MIDEAS: variants seen among roughly 807,000 people sequenced by gnomAD.
MIDEAS encodes mitotic deacetylase associated SANT domain protein, also known as mitotic deacetylase-associated SANT domain protein.
In MIDEAS, 26 loss-of-function variants were observed where a neutral mutation model predicts 102.7. The observed-to-expected ratio is 0.25, with a 90% CI of 0.19 to 0.35. MIDEAS has a LOEUF of 0.35. Ranked by LOEUF, MIDEAS falls within the 10% of genes least tolerant of loss-of-function variation. MIDEAS has a pLI of 1.00. For synonymous variants in MIDEAS, 585 were observed against 591.0 expected (o/e 0.99, Z 0.15); for missense variants, 1,231 against 1,435.6 (o/e 0.86, Z 2.30).
intron 1 of MIDEAS, among the ~76,000 whole-genome samples, chr14:73,748,269 C>T (rs1184562713): frequency 6.6e-6 from 1 of 152,060 alleles, no homozygotes; most frequent in Non-Finnish European, 1.5e-5. Flanking sequence ...GCAGAATGGA[C>T]TTTTAAAAAA....
chr14:73,743,550 C>T (rs996412138), intron 1 of MIDEAS, among the ~76,000 whole-genome samples: 10 of 152,136 alleles, frequency 6.6e-5, no homozygotes, highest in African/African-American at 2.2e-4. Flanking sequence ...GCCTGCAACT[C>T]GGGGTCAGGA....
chr14:73,759,470 C>G lies in MIDEAS; in HGVS notation c.-248+293G>C, dbSNP rs1189201662. 1.3e-5 allele frequency among the ~76,000 whole-genome samples: 2 copies of G among 151,374 alleles called. No individual in the cohort carries two copies. The highest frequency in any genetic ancestry group is 4.8e-5 in the African/African-American group (2 of 41,300). On this transcript the variant is annotated intron_variant, in intron 1 of 12. Transcript: ENST00000423556. This position sits in a 1 kb window ranked among gnomAD's most constrained non-coding sequence, Gnocchi z 6.7. ...CGGGGGCCGCGCGCAAGCTGCGTAG[C>G]TGCACAAACACCGCGGGGCTGCGCT...
chr14:73,719,452 G>T lies in MIDEAS; in HGVS notation c.2987C>A (p.Ser996Tyr). 6.2e-7 allele frequency: 1 copy of T among 1,614,078 alleles called. No homozygotes were observed. The change falls in exon 12 of 13, where the codon TCT becomes TAT. Residue 996 changes from serine to tyrosine, a missense_variant. Transcript: ENST00000423556. The part of the protein sequence containing the change: ...LRSHESNAPG[S>Y]AGGQASEKPR... ...CTTCTCCGAGGCCTGGCCACCGGCAGACCCAGGGGCGTTGGACTCGTGGCT... is the reference window on the plus strand; with the variant it reads ...CTTCTCCGAGGCCTGGCCACCGGCATACCCAGGGGCGTTGGACTCGTGGCT...
chr14:73,731,844 A>G (rs2053143797), intron 3 of MIDEAS, among the ~76,000 whole-genome samples: 1 of 152,186 alleles, frequency 6.6e-6, no homozygotes, highest in African/African-American at 2.4e-5. Flanking sequence ...CATTCATTAT[A>G]CTCCTCTCTA....
intron 1 of MIDEAS, chr14:73,758,793 G>T (rs1026077058): frequency 1.0e-4 from 16 of 154,604 alleles, no homozygotes; most frequent in African/African-American, 3.9e-4. Flanking sequence ...TCTGTGGCAG[G>T]TACCTCCTCC....
chr14:73,786,831 C>A (rs1001068069), intron 1 of MIDEAS, among the ~76,000 whole-genome samples: 1 of 152,258 alleles, frequency 6.6e-6, no homozygotes, highest in Non-Finnish European at 1.5e-5. Flanking sequence ...CCCTTCCCCC[C>A]ACCCTACCTC....
upstream of MIDEAS, among the ~76,000 whole-genome samples, chr14:73,761,395 G>A (rs2053553260): frequency 6.6e-6 from 1 of 152,208 alleles, no homozygotes; most frequent in African/African-American, 2.4e-5. Context: ...TTGCTTCTAA[G>A]GGGGCATGGC....
chr14:73,743,564 C>A (rs1180092325), intron 1 of MIDEAS, among the ~76,000 whole-genome samples: 1 of 152,100 alleles, frequency 6.6e-6, no homozygotes, highest in African/African-American at 2.4e-5. Context: ...GTCAGGACTG[C>A]GCCACTTCCT....
chr14:73,739,250 T>TTGC lies in MIDEAS; in HGVS notation c.756_758dup (p.Gln253dup), dbSNP rs745406125. The TTGC allele has an allele frequency of 3.9e-5, 62 of 1,604,512 alleles. No homozygotes were observed. In the Middle Eastern group the frequency reaches 6.6e-4, roughly 17 times the overall value. On this transcript the variant is annotated inframe_insertion, in exon 2 of 13. Coordinates refer to ENST00000423556, the MANE Select transcript of MIDEAS (RefSeq NM_001367710.1). ...GCTGCTGCTGCTGCTGCTGCTGTGGTTGCTGCTGCTGCTGCTGCTTCTGTG... is the reference window on the plus strand; with the variant it reads ...GCTGCTGCTGCTGCTGCTGCTGTGGTTGCTGCTGCTGCTGCTGCTGCTTCTGTG...
chr14:73,739,487 C>G lies in MIDEAS; in HGVS notation c.522G>C (p.Gln174His), dbSNP rs146384609. ...ALKREKAGGPQLDRYVRPMMP... is the reference protein window; with the variant it reads ...ALKREKAGGPHLDRYVRPMMP... ...TCATTGGTCGCACATAGCGGTCCAGCTGTGGGCCCCCCGCTTTCTCCCGCT... is the reference window on the plus strand; with the variant it reads ...TCATTGGTCGCACATAGCGGTCCAGGTGTGGGCCCCCCGCTTTCTCCCGCT... Residue 174 changes from glutamine (Q) to histidine (H), a missense_variant, in exon 2 of 13, where the codon CAG (glutamine) becomes CAC (histidine). Transcript: ENST00000423556. 2.9e-5 allele frequency: 46 copies of G among 1,611,502 alleles called. No individual in the cohort carries two copies. In the African/African-American group the frequency reaches 5.3e-4, roughly 19 times the overall value.
intron 1 of MIDEAS, among the ~76,000 whole-genome samples, chr14:73,776,967 A>C (rs906370097): frequency 6.6e-6 from 1 of 151,928 alleles, no homozygotes; most frequent in Non-Finnish European, 1.5e-5. Context: ...GCTACTCGGG[A>C]CGCTGAGGCA....
chr14:73,761,303 TGGGCCTACA>T (rs1185716284), upstream of MIDEAS, among the ~76,000 whole-genome samples: 2 of 152,318 alleles, frequency 1.3e-5, no homozygotes, highest in East Asian at 3.9e-4. Flanking sequence ...ACACACTCAC[TGGGCCTACA>T]GGGCCAGGGT....
At chr14:73,770,293 G>T (rs767614570) in intron 1 of MIDEAS, among the ~76,000 whole-genome samples, 1 of 152,180 alleles carries the variant, frequency 6.6e-6, no homozygotes, top group Non-Finnish European at 1.5e-5. Context: ...CTAAATAGGT[G>T]TCATGTTTAT....
At chr14:73,729,406 G>A (rs1251007488) in intron 4 of MIDEAS, among the ~76,000 whole-genome samples, 1 of 152,214 alleles carries the variant, frequency 6.6e-6, no homozygotes, top group Admixed American at 6.5e-5. Flanking sequence ...ACTTGCAAAA[G>A]TGGATGTAAT....
Position 73,737,065 on chromosome 14 carries a change from T to C in MIDEAS, c.1682A>G (p.His561Arg), listed in dbSNP as rs1259422082. The C allele has an allele frequency of 6.2e-7, 1 of 1,614,010 alleles. No homozygotes were observed. The highest frequency in any genetic ancestry group is 1.3e-5 in the African/African-American group (1 of 74,896). The change falls in exon 3 of 13, where the codon CAC becomes CGC. Residue 561 changes from histidine (H) to arginine (R), a missense_variant. This residue lies in a region of MIDEAS where 758 missense variants were observed against 856.0 expected (regional missense o/e 0.89). Coordinates refer to ENST00000423556, the MANE Select transcript of MIDEAS (RefSeq NM_001367710.1). ...GKGPEQNPAE[H>R]KPSVIVTRRR... is the part of the protein sequence containing the mutation. ...GCGGGTGACGATGACTGATGGCTTGTGCTCAGCAGGGTTCTGTTCAGGACC... is the reference window on the plus strand; with the variant it reads ...GCGGGTGACGATGACTGATGGCTTGCGCTCAGCAGGGTTCTGTTCAGGACC...
At chr14:73,730,688 G>A (rs901841194) in intron 3 of MIDEAS, among the ~76,000 whole-genome samples, 3 of 151,970 alleles carry the variant, frequency 2.0e-5, no homozygotes, top group Non-Finnish European at 2.9e-5. Flanking sequence ...GGACAAGGCC[G>A]GGCGTGGTAA....
At chr14:73,737,375 G>A (rs2053216864) in intron 2 of MIDEAS, 78 bp from the exon 3 acceptor site, 1 of 1,454,898 alleles carries the variant, frequency 6.9e-7, no homozygotes, top group Non-Finnish European at 9.3e-7. Context: ...TATAATTCCT[G>A]CACTTTGGGA....
chr14:73,729,612 G>C, intron 4 of MIDEAS, 28 bp downstream of exon 4: 1 of 1,562,996 alleles, frequency 6.4e-7, no homozygotes, highest in Non-Finnish European at 8.7e-7. Flanking sequence ...CCCCGCTCCT[G>C]CCAGGGTCGC....
At chr14:73,749,621 G>GGTT (rs2140140496) in intron 1 of MIDEAS, among the ~76,000 whole-genome samples, 1 of 149,024 alleles carries the variant, frequency 6.7e-6, no homozygotes, top group South Asian at 2.1e-4. Flanking sequence ...TATAGCACAA[G>GGTT]GAACACTCTC....
Sources: gnomAD v4.1 joint callset for allele counts (sites outside exome capture counted in the v4.1 genomes callset) on GRCh38, gnomAD v4.1.1 for gene constraint, gnomAD v4.1.1 regional missense constraint, Gnocchi (gnomAD v3.1) non-coding constraint, MANE v1.5 for transcripts, NCBI Gene and HGNC (gene_info 2026-07-23, HGNC 2026-07-21) for gene names.